EYS: variants seen among roughly 807,000 people sequenced by gnomAD.
EYS encodes EGF-like photoreceptor maintenance factor.
In EYS, 250 loss-of-function variants were observed where a neutral mutation model predicts 282.1. The observed-to-expected ratio is 0.89, with a 90% confidence interval of 0.80 to 0.98. The LOEUF (loss-of-function observed/expected upper bound fraction) is 0.98, where lower values mean the gene tolerates loss of function less well. Ranked by LOEUF, EYS falls within the 50% of genes least tolerant of loss-of-function variation. The pLI is 0.00. For synonymous variants in EYS, 1,355 were observed against 1,282.9 expected (o/e 1.06, Z -1.20); for missense variants, 4,016 against 3,709.0 (o/e 1.08, Z -2.15).
chr6:65,207,044 T>G (rs903354466), intron 12 of EYS, among the ~76,000 whole-genome samples: 5 of 151,520 alleles, frequency 3.3e-5, no homozygotes, highest in African/African-American at 7.3e-5. Context: ...GCAAGGAAAA[T>G]AAATAAAAGG....
At chr6:64,918,692 A>C (rs1768240023) in intron 15 of EYS, among the ~76,000 whole-genome samples, 2 of 151,776 alleles carry the variant, frequency 1.3e-5, no homozygotes, top group Non-Finnish European at 2.9e-5. Context: ...AGGCAGAGTG[A>C]GGAGTGAGGA....
chr6:64,990,309 A>G (rs2150122024), intron 14 of EYS, among the ~76,000 whole-genome samples: 1 of 151,680 alleles, frequency 6.6e-6, no homozygotes, highest in South Asian at 2.1e-4. Context: ...CTAATTAAAA[A>G]TGGTATCTAA....
chr6:64,725,307 A>C (rs1376532732), intron 22 of EYS, among the ~76,000 whole-genome samples: 1 of 152,102 alleles, frequency 6.6e-6, no homozygotes, highest in Non-Finnish European at 1.5e-5. Flanking sequence ...TGATTCATTC[A>C]TTCATTCCAC....
intron 2 of EYS, among the ~76,000 whole-genome samples, chr6:65,508,327 CA>C (rs1045990848): frequency 4.6e-5 from 7 of 152,064 alleles, no homozygotes; most frequent in African/African-American, 7.2e-5. Flanking sequence ...TATGATCCTC[CA>C]GTTAAATCTC....
At chr6:65,512,492 CAAAAA>C (rs71002313) in intron 2 of EYS, among the ~76,000 whole-genome samples, 2,680 of 117,780 alleles carry the variant, frequency 0.023, 81 homozygotes, top group African/African-American at 0.07. Flanking sequence ...GACTCTATCT[CAAAAA>C]AAAAAAAAAA....
chr6:64,591,569 C>G lies in EYS; in HGVS notation c.4298G>C (p.Gly1433Ala). ...PTTSVIRSIP[G>A]ADIELNRQSL... The stretch of plus-strand genomic sequence containing the variant: ...CTGCCTGTTTAGCTCAATATCAGCC[C>G]CTGGAATGCTTCTAATTACTGAAGT... The change falls in exon 26 of 43, where the codon GGG (glycine) becomes GCG (alanine). Residue 1433 changes from glycine to alanine, a missense_variant. Gly to Ala is a moderately conservative substitution (Grantham distance 60). Coordinates refer to ENST00000503581, the MANE Select transcript of EYS (RefSeq NM_001142800.2). The G allele has an allele frequency of 6.4e-7, 1 of 1,551,106 alleles. No homozygotes were observed. Among genetic ancestry groups the G allele is most frequent in the Non-Finnish European group, 8.7e-7 (1 of 1,146,698 alleles).
chr6:64,167,865 C>T (rs556800777), intron 31 of EYS, among the ~76,000 whole-genome samples: 4 of 152,040 alleles, frequency 2.6e-5, no homozygotes, highest in Admixed American at 6.5e-5. Context: ...GATATATGAG[C>T]GGCATTATGT....
chr6:65,534,821 T>C (rs1767906937), intron 2 of EYS, among the ~76,000 whole-genome samples: 1 of 152,154 alleles, frequency 6.6e-6, no homozygotes, highest in African/African-American at 2.4e-5. Flanking sequence ...CCTGACTCCA[T>C]TGCTCTGAAT....
intron 41 of EYS, among the ~76,000 whole-genome samples, chr6:63,729,802 T>C (rs1582149400): frequency 6.6e-6 from 1 of 152,164 alleles, no homozygotes; most frequent in Non-Finnish European, 1.5e-5. Context: ...TTATAATTCC[T>C]CAGGGCTTTC....
chr6:64,325,619 G>T (rs990059918), intron 29 of EYS, among the ~76,000 whole-genome samples: 1 of 152,136 alleles, frequency 6.6e-6, no homozygotes, highest in African/African-American at 2.4e-5. Flanking sequence ...AAGCTAATCA[G>T]GGAGGCACCA....
At chr6:65,628,081 T>A (rs1766781336) in intron 2 of EYS, among the ~76,000 whole-genome samples, 1 of 152,140 alleles carries the variant, frequency 6.6e-6, no homozygotes, top group Admixed American at 6.5e-5. Context: ...ACCGTGTGTC[T>A]AGCTCAAGGT....
chr6:64,417,356 A>G (rs1327592680), intron 28 of EYS, among the ~76,000 whole-genome samples: 2 of 152,144 alleles, frequency 1.3e-5, no homozygotes, highest in South Asian at 2.1e-4. Flanking sequence ...GGGGTTTACA[A>G]TGGGTAGCAG....
chr6:65,448,016 C>T (rs978345815), intron 5 of EYS, among the ~76,000 whole-genome samples: 7 of 151,992 alleles, frequency 4.6e-5, no homozygotes, highest in Non-Finnish European at 8.8e-5. Flanking sequence ...ACAGTCAAGT[C>T]AGATTACGAT....
chr6:64,607,468 C>T (rs1037388003), intron 24 of EYS, among the ~76,000 whole-genome samples: 1 of 152,058 alleles, frequency 6.6e-6, no homozygotes, highest in Non-Finnish European at 1.5e-5. Flanking sequence ...ATGGTGCCTT[C>T]TAACTATGTC....
intron 1 of EYS, among the ~76,000 whole-genome samples, chr6:65,662,368 C>T (rs1768035956): frequency 6.6e-6 from 1 of 152,088 alleles, no homozygotes; most frequent in African/African-American, 2.4e-5. Context: ...CACCAGGTTA[C>T]ATTAAGGATG....
chr6:65,600,312 T>A (rs1437436604), intron 2 of EYS, among the ~76,000 whole-genome samples: 1 of 151,984 alleles, frequency 6.6e-6, no homozygotes, highest in Non-Finnish European at 1.5e-5. Flanking sequence ...GCTGAGCCCC[T>A]AGTGATTCAA....
chr6:65,430,673 C>T (rs758699216), intron 5 of EYS, among the ~76,000 whole-genome samples: 1 of 152,124 alleles, frequency 6.6e-6, no homozygotes, highest in Non-Finnish European at 1.5e-5. Flanking sequence ...AGGACTTTAT[C>T]TTGCATCTTT....
chr6:65,519,708 A>ATATATATATATATTTTTTTTTT (rs1554205854), intron 2 of EYS, among the ~76,000 whole-genome samples: 5 of 42,562 alleles, frequency 1.2e-4, no homozygotes, highest in East Asian at 1.1e-3. Flanking sequence ...ATATATATAT[A>ATATATATATATATTTTTTTTTT]TTTTTTTTTT....
intron 11 of EYS, among the ~76,000 whole-genome samples, chr6:65,301,640 A>T (rs1183292525): frequency 1.3e-5 from 2 of 152,206 alleles, no homozygotes; most frequent in Non-Finnish European, 2.9e-5. Flanking sequence ...AAAGCCACCG[A>T]CCTTATTCCG....
Sources: gnomAD v4.1 joint callset for allele counts (sites outside exome capture counted in the v4.1 genomes callset) on GRCh38, gnomAD v4.1.1 for gene constraint, MANE v1.5 for transcripts, NCBI Gene and HGNC (gene_info 2026-07-23, HGNC 2026-07-21) for gene names.